CDH18: variants seen among roughly 807,000 people sequenced by gnomAD.
CDH18 encodes the protein cadherin 18, also known as cadherin-18.
CDH18 carries 31 observed loss-of-function variants against 67.9 expected under a neutral mutation model. That is an observed-to-expected ratio of 0.46 (90% confidence interval 0.34 to 0.62). The LOEUF is 0.62. Ranked by LOEUF, CDH18 falls within the 20% of genes least tolerant of loss-of-function variation. The probability of loss-of-function intolerance (pLI) is 0.01; values close to 1 mark genes in which losing one functional copy is unlikely to be tolerated. For synonymous variants in CDH18, 362 were observed against 347.2 expected, an observed-to-expected ratio of 1.04 and a Z score of -0.48; for missense variants, 890 against 975.5, an observed-to-expected ratio of 0.91 and a Z score of 1.17.
chr5:19,826,292 T>C (rs531108511), intron 3 of CDH18, among the ~76,000 whole-genome samples: 2 of 152,078 alleles, frequency 1.3e-5, no homozygotes, highest in African/African-American at 4.8e-5. Flanking sequence ...ATCAAGCAAC[T>C]TGGAAAACAG....
intron 2 of CDH18, among the ~76,000 whole-genome samples, chr5:20,103,530 C>A (rs1385271588): frequency 1.4e-5 from 2 of 146,364 alleles, no homozygotes; most frequent in African/African-American, 2.5e-5. Context: ...TTGAGACCAG[C>A]TTGGCCAACA....
intron 2 of CDH18, among the ~76,000 whole-genome samples, chr5:19,935,665 T>G (rs2150212957): frequency 6.6e-6 from 1 of 151,388 alleles, no homozygotes; most frequent in Middle Eastern, 3.4e-3. Context: ...AGAATGTATC[T>G]TCTTTGTTAA....
At chr5:19,576,605 C>T (rs1742349842) in intron 7 of CDH18, among the ~76,000 whole-genome samples, 1 of 151,996 alleles carries the variant, frequency 6.6e-6, no homozygotes, top group Non-Finnish European at 1.5e-5. Flanking sequence ...CAAGTATTGG[C>T]AAGGATGTGG....
At chr5:20,457,020 G>T (rs145228669) in intron 1 of CDH18, among the ~76,000 whole-genome samples, 1 of 152,176 alleles carries the variant, frequency 6.6e-6, no homozygotes, top group Non-Finnish European at 1.5e-5. Flanking sequence ...CATTTGTAAT[G>T]TTTTAAGCTT....
intron 1 of CDH18, among the ~76,000 whole-genome samples, chr5:20,268,105 C>T (rs1030626612): frequency 6.6e-6 from 1 of 152,212 alleles, no homozygotes; most frequent in South Asian, 2.1e-4. Context: ...CAGTTGCACA[C>T]ATATGGCTGC....
chr5:19,899,128 G>A (rs760738151), intron 2 of CDH18, among the ~76,000 whole-genome samples: 9 of 152,102 alleles, frequency 5.9e-5, no homozygotes, highest in Non-Finnish European at 1.2e-4. Flanking sequence ...GGCCAGGCAC[G>A]GTGGCTCACG....
intron 2 of CDH18, among the ~76,000 whole-genome samples, chr5:19,952,795 G>C (rs1795927534): frequency 6.6e-6 from 1 of 151,200 alleles, no homozygotes; most frequent in Non-Finnish European, 1.5e-5. Context: ...TGATATGAGA[G>C]GCATTTAGGG....
chr5:19,667,505 T>C (rs981597853), intron 5 of CDH18, among the ~76,000 whole-genome samples: 191 of 127,542 alleles, frequency 1.5e-3, no homozygotes, highest in African/African-American at 2.8e-3. Context: ...TATATATATA[T>C]ATACACACAC....
chr5:20,156,519 A>G (rs750964659), intron 2 of CDH18, among the ~76,000 whole-genome samples: 3 of 152,120 alleles, frequency 2.0e-5, no homozygotes, highest in Non-Finnish European at 4.4e-5. Context: ...TGGGAGCTAA[A>G]CAATTGGATA....
Position 19,571,613 on chromosome 5 carries a change from C to T in CDH18, c.1219G>A (p.Ala407Thr). ...CTGTTAGTACTGTCAGGATCTTGTG[C>T]CAAAACTGTACCAACGACGGTCCCA... ...KIGTVVGTVL[A>T]QDPDSTNSLV... The change falls in exon 8 of 13, where the codon GCA becomes ACA. Residue 407 changes from alanine (A) to threonine (T), a missense_variant. Ala to Thr is a moderately conservative substitution (Grantham distance 58). Transcript: ENST00000382275. 1 of 1,613,928 alleles carries T rather than the reference C, an allele frequency of 6.2e-7. No homozygotes were observed. Among genetic ancestry groups the T allele is most frequent in the Non-Finnish European group, 8.5e-7 (1 of 1,179,896 alleles).
intron 8 of CDH18, among the ~76,000 whole-genome samples, chr5:19,569,767 T>C (rs906822622): frequency 1.6e-4 from 24 of 152,162 alleles, no homozygotes; most frequent in African/African-American, 5.5e-4. Flanking sequence ...AGCTAGAAGA[T>C]AATGATTTGA....
intron 1 of CDH18, among the ~76,000 whole-genome samples, chr5:20,269,109 G>A (rs1745257034): frequency 6.6e-6 from 1 of 152,074 alleles, no homozygotes; most frequent in Admixed American, 6.6e-5. Context: ...ATACACAAAT[G>A]GCCAACACAT....
intron 5 of CDH18, among the ~76,000 whole-genome samples, chr5:19,645,955 T>A (rs1218992619): frequency 6.6e-6 from 1 of 152,190 alleles, no homozygotes; most frequent in Non-Finnish European, 1.5e-5. Context: ...CTTCTGTTGT[T>A]GTTTTGCGAA....
chr5:19,666,549 G>A (rs1014900266), intron 5 of CDH18, among the ~76,000 whole-genome samples: 7 of 151,976 alleles, frequency 4.6e-5, no homozygotes, highest in South Asian at 2.1e-4. Context: ...AGGATTTCCC[G>A]AGGAAATTAT....
chr5:19,597,234 G>A (rs563829467), intron 6 of CDH18, among the ~76,000 whole-genome samples: 2 of 152,232 alleles, frequency 1.3e-5, no homozygotes, highest in East Asian at 3.9e-4. Flanking sequence ...TAAGCCTTTG[G>A]GCAAGACCTC....
intron 2 of CDH18, among the ~76,000 whole-genome samples, chr5:20,086,991 A>T (rs1360061054): frequency 6.6e-6 from 1 of 152,230 alleles, no homozygotes; most frequent in East Asian, 1.9e-4. Context: ...GATCTGAGCA[A>T]AAGAAATCTA....
intron 1 of CDH18, among the ~76,000 whole-genome samples, chr5:19,985,789 T>C (rs1799506432): frequency 6.6e-6 from 1 of 152,196 alleles, no homozygotes. Flanking sequence ...TTGTCTTTAA[T>C]GTCTCAATCT....
chr5:20,426,017 T>A (rs930419551), intron 1 of CDH18, among the ~76,000 whole-genome samples: 2 of 151,196 alleles, frequency 1.3e-5, no homozygotes, highest in Admixed American at 6.6e-5. Flanking sequence ...GCCGATTTTT[T>A]AAATCAATAC....
chr5:19,579,462 A>G (rs2149976673), intron 7 of CDH18, among the ~76,000 whole-genome samples: 1 of 149,626 alleles, frequency 6.7e-6, no homozygotes, highest in South Asian at 2.1e-4. Context: ...ATTTTTGTTT[A>G]TTTTTTTTCT....
Sources: allele counts gnomAD v4.1 joint callset (sites outside exome capture counted in the v4.1 genomes callset), GRCh38; gene constraint gnomAD v4.1.1; transcripts MANE v1.5; gene names NCBI Gene and HGNC (gene_info 2026-07-23, HGNC 2026-07-21).